Variants in SMC5 observed in about 807,000 individuals in gnomAD.
SMC5 encodes structural maintenance of chromosomes 5, also known as structural maintenance of chromosomes protein 5.
A neutral mutation model predicts 148.3 loss-of-function variants in SMC5; 88 were observed. The observed-to-expected ratio is 0.59, with a 90% confidence interval of 0.50 to 0.71. The LOEUF is 0.71. SMC5 is among the 30% of genes least tolerant of loss of function. SMC5 has a pLI of 0.00. For synonymous variants in SMC5, 421 were observed against 432.8 expected, an observed-to-expected ratio of 0.97 and a Z score of 0.34; for missense variants, 1,142 against 1,298.9, an observed-to-expected ratio of 0.88 and a Z score of 1.86.
At position 70,341,337 on chromosome 9, in the gene SMC5, C is replaced by T. The variant is rs549153767; in HGVS notation, c.2398-2807C>T. 3.3e-5 allele frequency among the ~76,000 whole-genome samples: 5 copies of T among 152,246 alleles called. No homozygotes were observed. The South Asian group carries it at 6.2e-4, about 19-fold the overall frequency. ...ATTGATACTTCTTTTCCATAATGTT[C>T]TAATACTTTATTTTAGCAAAGTCCA... On this transcript the variant is annotated intron_variant, in intron 17 of 24. Transcript: ENST00000361138.
chr9:70,349,526 G>A (rs974985506), intron 22 of SMC5, among the ~76,000 whole-genome samples: 4 of 152,098 alleles, frequency 2.6e-5, no homozygotes, highest in Non-Finnish European at 4.4e-5. Flanking sequence ...CACCTATTAC[G>A]TGCCAGGCTT....
chr9:70,296,155 A>G (rs1426620642), intron 8 of SMC5, among the ~76,000 whole-genome samples: 1 of 152,248 alleles, frequency 6.6e-6, no homozygotes, highest in Non-Finnish European at 1.5e-5. Flanking sequence ...AATGTGGTAT[A>G]TCCATATCAG....
At position 70,267,974 on chromosome 9, in the gene SMC5, T is replaced by C. The variant is rs377078201; in HGVS notation, c.379T>C (p.Leu127=). 1 of 1,612,312 alleles carries C rather than the reference T, an allele frequency of 6.2e-7. No individual in the cohort carries two copies. Among genetic ancestry groups the C allele is most frequent in the Non-Finnish European group, 8.5e-7 (1 of 1,179,292 alleles). The stretch of plus-strand genomic sequence containing the variant: ...TTCTAGAGGCATGGTTGAAATTGAA[T>C]TGTAAGTGTTAAAAGTGCTAAAACT... ...GCSRGMVEIE[L]FRASGNLVIT... is the part of the protein sequence containing the mutation. Residue 127 remains leucine (L), a splice_region_variant and synonymous_variant, in exon 3 of 25, where the codon TTG becomes CTG. Transcript: ENST00000361138.
chr9:70,333,835 A>G (rs1160663952), intron 17 of SMC5, among the ~76,000 whole-genome samples: 2 of 152,200 alleles, frequency 1.3e-5, no homozygotes, highest in African/African-American at 4.8e-5. Context: ...AATTAAATAC[A>G]TGGTGTTCAT....
intron 17 of SMC5, among the ~76,000 whole-genome samples, chr9:70,325,134 A>T (rs2036046091): frequency 2.0e-5 from 3 of 152,282 alleles, no homozygotes; most frequent in African/African-American, 7.2e-5. Flanking sequence ...GCTCAAAGAC[A>T]TGTGTATTGC....
rs765295331 is a variant in SMC5, at chr9:70,300,219, C to T, written c.1464+19C>T. 20 of 1,570,608 alleles carry T rather than the reference C, an allele frequency of 1.3e-5. No homozygotes were observed. Among genetic ancestry groups the T allele is most frequent in the Non-Finnish European group, 7.7e-6 (9 of 1,167,250 alleles). The stretch of plus-strand genomic sequence containing the variant: ...GCTCACGGTAAGAAACTTTGTTCAT[C>T]TTGGTAGTATTGGTTTTATTATTGT... On this transcript the variant is annotated intron_variant, in intron 10 of 24. Coordinates refer to ENST00000361138, the MANE Select transcript of SMC5 (RefSeq NM_015110.4).
chr9:70,297,238 G>A (rs955443370), intron 8 of SMC5, among the ~76,000 whole-genome samples: 2 of 152,172 alleles, frequency 1.3e-5, no homozygotes, highest in Non-Finnish European at 2.9e-5. Flanking sequence ...ATAATTTTGT[G>A]TATGAACCAA....
rs753069227 is a variant in SMC5 at position 70,282,473 on chromosome 9, C to A, written c.871C>A (p.Arg291=). 6.2e-7 allele frequency: 1 copy of A among 1,605,388 alleles called. No homozygotes were observed. Residue 291 remains arginine, a synonymous_variant, in exon 7 of 25, where the codon CGA becomes AGA. Transcript: ENST00000361138. The part of the protein sequence containing the change: ...EYEEVKLVRD[R]VKEEVRKLKE... ...TGAAGAAGTAAAACTAGTTCGTGAC[C>A]GAGTGAAGGAAGAGGTCAGAAAACT...
chr9:70,346,806 A>G (rs1383160360), intron 19 of SMC5, among the ~76,000 whole-genome samples, 157 bp downstream of exon 19: 1 of 152,092 alleles, frequency 6.6e-6, no homozygotes, highest in African/African-American at 2.4e-5. Context: ...CTAAATTCCT[A>G]GCCTATATGA....
At chr9:70,273,944 A>G (rs1482615978) in intron 3 of SMC5, among the ~76,000 whole-genome samples, 1 of 152,194 alleles carries the variant, frequency 6.6e-6, no homozygotes, top group East Asian at 1.9e-4. Flanking sequence ...CAAATCTTCT[A>G]TATTTTTGCT....
intron 8 of SMC5, among the ~76,000 whole-genome samples, chr9:70,293,344 C>G (rs1245983708): frequency 6.6e-6 from 1 of 150,478 alleles, no homozygotes; most frequent in Admixed American, 6.6e-5. Flanking sequence ...CCCCCACCCC[C>G]CTACTCTTTT....
At chr9:70,305,393 C>T in intron 11 of SMC5, 33 bp downstream of exon 11, 1 of 1,231,424 alleles carries the variant, frequency 8.1e-7, no homozygotes, top group Non-Finnish European at 1.2e-6. Context: ...CTTTGATTCA[C>T]TTGACACTTA....
intron 5 of SMC5, among the ~76,000 whole-genome samples, chr9:70,279,793 G>A: frequency 6.7e-6 from 1 of 148,890 alleles, no homozygotes. Flanking sequence ...CTCCAGCCTG[G>A]GCAACAAGAG....
chr9:70,323,106 T>TA (rs1450095898), intron 15 of SMC5, among the ~76,000 whole-genome samples: 1 of 152,208 alleles, frequency 6.6e-6, no homozygotes, highest in Non-Finnish European at 1.5e-5. Context: ...TGGACTTTGG[T>TA]ACCAAACACA....
intron 3 of SMC5, among the ~76,000 whole-genome samples, chr9:70,274,813 TC>T (rs1275341741): frequency 1.3e-5 from 2 of 152,098 alleles, no homozygotes; most frequent in Non-Finnish European, 1.5e-5. Flanking sequence ...ATATCTGTCT[TC>T]CTGCTAAACA....
At chr9:70,284,363 C>G (rs1268863108) in intron 7 of SMC5, among the ~76,000 whole-genome samples, 2 of 152,190 alleles carry the variant, frequency 1.3e-5, no homozygotes, top group African/African-American at 4.8e-5. Flanking sequence ...TAGACAAGCC[C>G]CCTCATTTTA....
At chr9:70,309,371 C>T (rs1277674230) in intron 11 of SMC5, among the ~76,000 whole-genome samples, 4 of 112,520 alleles carry the variant, frequency 3.6e-5, no homozygotes, top group African/African-American at 1.4e-4. Flanking sequence ...CTTCCTCTGT[C>T]TCGCAGACTA....
At chr9:70,349,382 G>A (rs1464054386) in intron 22 of SMC5, among the ~76,000 whole-genome samples, 2 of 152,004 alleles carry the variant, frequency 1.3e-5, no homozygotes, top group African/African-American at 4.8e-5. Context: ...AGTAAGTTAT[G>A]TATCTCATTT....
intron 17 of SMC5, among the ~76,000 whole-genome samples, chr9:70,330,543 A>ACTTT (rs1174121824): frequency 6.9e-6 from 1 of 145,502 alleles, no homozygotes; most frequent in Non-Finnish European, 1.5e-5. Flanking sequence ...TCTACATGTA[A>ACTTT]CTTTCTTTTT....
Sources: gnomAD v4.1 joint callset for allele counts (sites outside exome capture counted in the v4.1 genomes callset) on GRCh38, gnomAD v4.1.1 for gene constraint, MANE v1.5 for transcripts, NCBI Gene and HGNC (gene_info 2026-07-23, HGNC 2026-07-21) for gene names.